The following AGAP1 variants were observed in gnomAD, a reference collection of about 807,000 sequenced individuals.
AGAP1 encodes the protein ArfGAP with GTPase domain, ankyrin repeat and PH domain 1.
Under a neutral mutation model 105.3 loss-of-function variants are expected in AGAP1, and 29 were observed. The observed-to-expected ratio is 0.28, with a 90% confidence interval of 0.21 to 0.38. The LOEUF is 0.38. Among genes scored for constraint, AGAP1 ranks in the 10% least tolerant of loss-of-function variants. The probability of loss-of-function intolerance (pLI) is 1.00; values close to 1 mark genes in which losing one functional copy is unlikely to be tolerated. For synonymous variants in AGAP1, 509 were observed against 485.9 expected, an observed-to-expected ratio of 1.05 and a Z score of -0.63; for missense variants, 998 against 1,165.1, an observed-to-expected ratio of 0.86 and a Z score of 2.09.
At chr2:235,715,103 T>C (rs1951035020) in intron 2 of AGAP1, among the ~76,000 whole-genome samples, 1 of 152,210 alleles carries the variant, frequency 6.6e-6, no homozygotes, top group African/African-American at 2.4e-5. Flanking sequence ...AGCCCTGTGT[T>C]TGTTCTTAAT....
rs564920780 is a variant in AGAP1 at position 235,865,143 on chromosome 2, T to A, written c.1051-18202T>A. ...GGGGCAGTTAGCTGAATAATTCTTTTCTTTATTATCCCAAATTACTGCTGA... is the reference window on the plus strand; with the variant it reads ...GGGGCAGTTAGCTGAATAATTCTTTACTTTATTATCCCAAATTACTGCTGA... On this transcript the variant is annotated intron_variant, in intron 9 of 17. Coordinates refer to ENST00000304032, the MANE Select transcript of AGAP1 (RefSeq NM_001037131.3). This position sits in a 1 kb window ranked among gnomAD's most constrained non-coding sequence, Gnocchi z 6.2. 1.3e-5 allele frequency among the ~76,000 whole-genome samples: 2 copies of A among 152,326 alleles called. No individual in the cohort carries two copies. The highest frequency in any genetic ancestry group is 4.1e-4 in the South Asian group (2 of 4,830).
At position 235,723,955 on chromosome 2, in the gene AGAP1, G is replaced by T. The variant is rs1288171641; in HGVS notation, c.310+6311G>T. On this transcript the variant is annotated intron_variant, in intron 3 of 17. Coordinates refer to ENST00000304032, the MANE Select transcript of AGAP1 (RefSeq NM_001037131.3). This position sits in a 1 kb window ranked among gnomAD's most constrained non-coding sequence, Gnocchi z 6.2. ...TGAAAGTGGCAAAAGGAGGGCCGGG[G>T]CCTGCCTGCCACTGAGGCCCAGCGG... 6.6e-6 allele frequency among the ~76,000 whole-genome samples: 1 copy of T among 152,184 alleles called. No homozygotes were observed. The highest frequency in any genetic ancestry group is 1.5e-5 in the Non-Finnish European group (1 of 68,040).
chr2:235,954,646 G>T (rs1439886863), intron 12 of AGAP1, among the ~76,000 whole-genome samples: 1 of 151,016 alleles, frequency 6.6e-6, no homozygotes, highest in African/African-American at 2.4e-5. Flanking sequence ...TAGGAACAAG[G>T]GGAGCTTCAG....
chr2:236,041,792 C>T (rs1312997921), intron 15 of AGAP1, among the ~76,000 whole-genome samples: 1 of 152,204 alleles, frequency 6.6e-6, no homozygotes, highest in African/African-American at 2.4e-5. Flanking sequence ...GGACAAGGCA[C>T]CAACCTGCTG....
rs1945115772 is a variant in AGAP1 at position 235,586,464 on chromosome 2, G to A, written c.163+91615G>A. Among the ~76,000 whole-genome samples the A allele has an allele frequency of 1.3e-5, 2 of 152,264 alleles. No homozygotes were observed. The highest frequency in any genetic ancestry group is 6.5e-5 in the Admixed American group (1 of 15,288). On this transcript the variant is annotated intron_variant, in intron 1 of 17. Transcript: ENST00000304032. This position sits in a 1 kb window ranked among gnomAD's most constrained non-coding sequence, Gnocchi z 4.2. Reference sequence around the variant, plus strand: ...AAGGCAAGGTGGAGGCAGCTGTTATGTGGTGTGTTGGATTCACAGCAGTCA... The same window carrying A: ...AAGGCAAGGTGGAGGCAGCTGTTATATGGTGTGTTGGATTCACAGCAGTCA...
At position 235,569,020 on chromosome 2, in the gene AGAP1, C is replaced by T. The variant is rs1365883842; in HGVS notation, c.163+74171C>T. On this transcript the variant is annotated intron_variant, in intron 1 of 17. Coordinates refer to ENST00000304032, the MANE Select transcript of AGAP1 (RefSeq NM_001037131.3). The surrounding 1 kb of genome is among the most constrained non-coding windows in gnomAD (Gnocchi z 5.9). The stretch of plus-strand genomic sequence containing the variant: ...AATCACACCAGCAAAGTTCCTTTTG[C>T]CATATAAGGATATGGCAGCGTATTC... 2.0e-5 allele frequency among the ~76,000 whole-genome samples: 3 copies of T among 152,218 alleles called. No individual in the cohort carries two copies. Among genetic ancestry groups the T allele is most frequent in the African/African-American group, 7.2e-5 (3 of 41,434 alleles).
In AGAP1 at chr2:235,578,784, C is replaced by CAAA. The variant is rs1216227916; in HGVS notation, c.163+83949_163+83951dup. ...TGGGCAATACAGCGAGACTCAGTCT[C>CAAA]AAAAAAAAAAAAAAAATTTTTTTTT... On this transcript the variant is annotated intron_variant, in intron 1 of 17. Coordinates refer to ENST00000304032, the MANE Select transcript of AGAP1 (RefSeq NM_001037131.3). This position sits in a 1 kb window ranked among gnomAD's most constrained non-coding sequence, Gnocchi z 4.9. Among the ~76,000 whole-genome samples, 5 of 117,814 alleles carry CAAA rather than the reference C, an allele frequency of 4.2e-5. No homozygotes were observed. The highest frequency in any genetic ancestry group is 1.6e-4 in the African/African-American group (5 of 31,946). The allele number at this position is 117,814 out of a possible 152,430, so 77.3% of individuals were successfully genotyped here. A position where few individuals can be genotyped will look rare whatever the true frequency, so the allele number is the denominator to read the frequency against.
At position 236,095,434 on chromosome 2, in the gene AGAP1, T is replaced by G. The variant is rs1363194506; in HGVS notation, c.2115-24758T>G. Among the ~76,000 whole-genome samples, 1 of 151,840 alleles carries G rather than the reference T, an allele frequency of 6.6e-6. No homozygotes were observed. The highest frequency in any genetic ancestry group is 1.9e-4 in the East Asian group (1 of 5,168). On this transcript the variant is annotated intron_variant, in intron 16 of 17. Coordinates refer to ENST00000304032, the MANE Select transcript of AGAP1 (RefSeq NM_001037131.3). The surrounding 1 kb of genome is among the most constrained non-coding windows in gnomAD (Gnocchi z 4.1). ...TGGCTCACGTGTGTAATCCCAGCACTTTTGGAGGCTGAGGCTGGAGGATCA... is the reference window on the plus strand; with the variant it reads ...TGGCTCACGTGTGTAATCCCAGCACGTTTGGAGGCTGAGGCTGGAGGATCA...
At position 235,893,184 on chromosome 2, in the gene AGAP1, G is replaced by A. The variant is rs965796822; in HGVS notation, c.1155+9735G>A. On this transcript the variant is annotated intron_variant, in intron 10 of 17. Transcript: ENST00000304032. This position sits in a 1 kb window ranked among gnomAD's most constrained non-coding sequence, Gnocchi z 4.7. ...CATAAGGGAGCGCTGTGTCTTTGGC[G>A]CGGGTGTGGCGTGGGTGTGCCATGT... is the stretch of plus-strand genomic sequence containing the variant. Among the ~76,000 whole-genome samples the A allele has an allele frequency of 1.3e-5, 2 of 151,606 alleles. No homozygotes were observed. The highest frequency in any genetic ancestry group is 1.9e-4 in the East Asian group (1 of 5,146).
intron 1 of AGAP1, among the ~76,000 whole-genome samples, chr2:235,588,084 G>T (rs867321264): frequency 2.5e-4 from 38 of 152,014 alleles, no homozygotes; most frequent in South Asian, 6.2e-4. Context: ...ACAAAAATCA[G>T]TCGGGCATGG....
chr2:235,833,922 A>G (rs1388988303), intron 9 of AGAP1, among the ~76,000 whole-genome samples: 1 of 134,736 alleles, frequency 7.4e-6, no homozygotes, highest in East Asian at 2.2e-4. Context: ...CCCACTAATT[A>G]TCTCACATAT....
At chr2:235,617,573 G>T (rs1237877290) in intron 1 of AGAP1, among the ~76,000 whole-genome samples, 4 of 152,070 alleles carry the variant, frequency 2.6e-5, no homozygotes, top group Non-Finnish European at 5.9e-5. Context: ...ATGTTGGTGG[G>T]CACCTGTAAT....
At chr2:235,802,074 T>C (rs1957520839) in intron 8 of AGAP1, among the ~76,000 whole-genome samples, 1 of 152,032 alleles carries the variant, frequency 6.6e-6, no homozygotes. Context: ...GCCCATTTAA[T>C]AAATATTGAC....
intron 1 of AGAP1, among the ~76,000 whole-genome samples, chr2:235,512,637 T>A (rs1188885768): frequency 1.3e-5 from 2 of 152,102 alleles, no homozygotes; most frequent in Non-Finnish European, 2.9e-5. Context: ...ATGCGCGTCC[T>A]CCCCCATTCC....
At chr2:235,759,810 A>G (rs1490953185) in intron 6 of AGAP1, among the ~76,000 whole-genome samples, 1 of 152,198 alleles carries the variant, frequency 6.6e-6, no homozygotes, top group Non-Finnish European at 1.5e-5. Context: ...TAACCAAAGA[A>G]GCTCTTTCTA....
intron 16 of AGAP1, among the ~76,000 whole-genome samples, chr2:236,052,394 G>A (rs545511897): frequency 2.6e-5 from 4 of 152,256 alleles, no homozygotes; most frequent in South Asian, 4.2e-4. Flanking sequence ...CAAAGAGACC[G>A]CCGCACACTG....
In AGAP1 at chr2:236,009,460, C is replaced by A. The variant is rs2056435430; in HGVS notation, c.1646-27101C>A. Among the ~76,000 whole-genome samples, 2 of 152,138 alleles carry A rather than the reference C, an allele frequency of 1.3e-5. No individual in the cohort carries two copies. Among genetic ancestry groups the A allele is most frequent in the African/African-American group, 4.8e-5 (2 of 41,422 alleles). ...AACACTCCAAGGAGCAGAGACGCTC[C>A]CCTCTGCAACAGTGACATTTATACT... On this transcript the variant is annotated intron_variant, in intron 13 of 17. Transcript: ENST00000304032. This position sits in a 1 kb window ranked among gnomAD's most constrained non-coding sequence, Gnocchi z 4.2.
At chr2:235,567,424 G>C (rs1376740189) in intron 1 of AGAP1, among the ~76,000 whole-genome samples, 1 of 152,182 alleles carries the variant, frequency 6.6e-6, no homozygotes, top group Non-Finnish European at 1.5e-5. Context: ...TTGAGCACCT[G>C]CCTGGTCATC....
intron 3 of AGAP1, among the ~76,000 whole-genome samples, chr2:235,727,852 A>G (rs2149592870): frequency 1.3e-5 from 2 of 152,290 alleles, no homozygotes; most frequent in East Asian, 3.9e-4. Flanking sequence ...ACTGAAAAAG[A>G]CGAAGTGCAG....
Sources: gnomAD v4.1 joint callset for allele counts (sites outside exome capture counted in the v4.1 genomes callset) on GRCh38, gnomAD v4.1.1 for gene constraint, Gnocchi (gnomAD v3.1) non-coding constraint, MANE v1.5 for transcripts, NCBI Gene and HGNC (gene_info 2026-07-23, HGNC 2026-07-21) for gene names.